The following CPEB3 variants were observed in gnomAD, a reference collection of about 807,000 sequenced individuals.
CPEB3 encodes cytoplasmic polyadenylation element binding protein 3.
Under a neutral mutation model 67.2 loss-of-function variants are expected in CPEB3, and 20 were observed. The observed-to-expected ratio is 0.30, with a 90% CI of 0.21 to 0.43. The LOEUF (loss-of-function observed/expected upper bound fraction) is 0.43. Ranked by LOEUF, CPEB3 falls within the 20% of genes least tolerant of loss-of-function variation. The probability of loss-of-function intolerance (pLI) is 1.00; values close to 1 mark genes in which losing one functional copy is unlikely to be tolerated. For missense variants in CPEB3, 746 were observed against 968.6 expected (o/e 0.77, Z 3.05); for synonymous variants, 376 against 393.1 (o/e 0.96, Z 0.51).
chr10:92,142,039 C>A (rs113979456), intron 6 of CPEB3, among the ~76,000 whole-genome samples: 2,130 of 114,838 alleles, frequency 0.019, 31 homozygotes, highest in South Asian at 0.06. Flanking sequence ...CAAATAAAAA[C>A]AAAAAAAAAA....
intron 1 of CPEB3, among the ~76,000 whole-genome samples, chr10:92,245,133 CTTT>C (rs989695063): frequency 3.1e-5 from 3 of 98,066 alleles, no homozygotes; most frequent in African/African-American, 4.0e-5. Context: ...AGAAAAGAGT[CTTT>C]TTTTTTTTTT....
chr10:92,055,169 A>G (rs1842064447), intron 9 of CPEB3, among the ~76,000 whole-genome samples: 2 of 152,208 alleles, frequency 1.3e-5, no homozygotes, highest in African/African-American at 4.8e-5. Flanking sequence ...ATTTGTGCTG[A>G]TATTTGAAAA....
At chr10:92,207,579 A>C (rs540246368) in intron 2 of CPEB3, among the ~76,000 whole-genome samples, 24 of 152,320 alleles carry the variant, frequency 1.6e-4, no homozygotes, top group Non-Finnish European at 3.2e-4. Flanking sequence ...ATCTATGTTT[A>C]ATCACCACGC....
At chr10:92,056,049 A>T (rs1032901270) in intron 9 of CPEB3, among the ~76,000 whole-genome samples, 1 of 152,280 alleles carries the variant, frequency 6.6e-6, no homozygotes, top group East Asian at 1.9e-4. Flanking sequence ...GTAAAAATAA[A>T]CAAAGAACGT....
rs191312532 is a variant in CPEB3 at position 92,057,728 on chromosome 10, C to T, written c.1870-5289G>A. On this transcript the variant is annotated intron_variant, in intron 9 of 9. Transcript: ENST00000265997. ...ACAGGGGTGCTTGTGTCACTCCACC[C>T]CCAGCTTTAGGTGGCTGAGAACAGA... 1.1e-4 allele frequency among the ~76,000 whole-genome samples: 17 copies of T among 152,324 alleles called. No individual in the cohort carries two copies. In the East Asian group the frequency reaches 2.9e-3, roughly 26 times the overall value.
intron 6 of CPEB3, among the ~76,000 whole-genome samples, chr10:92,129,649 T>C (rs989482418): frequency 2.0e-5 from 3 of 152,130 alleles, no homozygotes; most frequent in Non-Finnish European, 2.9e-5. Flanking sequence ...ACTGGGATCA[T>C]ATAACTGACA....
chr10:92,092,378 T>C (rs1428602310), intron 7 of CPEB3, among the ~76,000 whole-genome samples: 2 of 152,222 alleles, frequency 1.3e-5, no homozygotes, highest in African/African-American at 4.8e-5. Flanking sequence ...GACTTTTTAA[T>C]TCTCATCACC....
At chr10:92,190,887 T>C (rs1848948226) in intron 3 of CPEB3, among the ~76,000 whole-genome samples, 1 of 151,902 alleles carries the variant, frequency 6.6e-6, no homozygotes, top group Non-Finnish European at 1.5e-5. Context: ...CAAGAACTCA[T>C]CCATGGCAGC....
At position 92,239,271 on chromosome 10, in the gene CPEB3, G is replaced by A; in HGVS notation, c.1005+75C>T. The A allele has an allele frequency of 6.7e-7, 1 of 1,484,130 alleles. No individual in the cohort carries two copies. The highest frequency in any genetic ancestry group is 2.0e-5 in the Admixed American group (1 of 50,154). 91.9% of individuals were successfully genotyped at this position (1,484,130 alleles called of 1,614,324 possible). On this transcript the variant is annotated intron_variant, in intron 2 of 9. Transcript: ENST00000265997. This position sits in a 1 kb window ranked among gnomAD's most constrained non-coding sequence, Gnocchi z 6.0. Reference sequence around the variant, plus strand: ...TGCCCTTTTTAAATATAAGCGGGTGGATGATTAAAAGTCAGAGAAGTGGCA... The same window carrying A: ...TGCCCTTTTTAAATATAAGCGGGTGAATGATTAAAAGTCAGAGAAGTGGCA...
intron 9 of CPEB3, among the ~76,000 whole-genome samples, chr10:92,061,419 CAAAAA>C (rs148327302): frequency 5.4e-5 from 5 of 93,356 alleles, no homozygotes; most frequent in African/African-American, 1.6e-4. Flanking sequence ...AATTCTGTCT[CAAAAA>C]AAAAAAAAAA....
chr10:92,283,386 C>G (rs1379444359), intron 1 of CPEB3, among the ~76,000 whole-genome samples: 1 of 152,178 alleles, frequency 6.6e-6, no homozygotes, highest in Non-Finnish European at 1.5e-5. Flanking sequence ...ATTTATTCCT[C>G]CCAGGAATTC....
rs976206475 is a variant in CPEB3, at chr10:92,052,494, GT to G, written c.1870-56del. 149 of 1,510,142 alleles carry G rather than the reference GT, an allele frequency of 9.9e-5. No homozygotes were observed. The African/African-American group carries it at 1.9e-3, about 19-fold the overall frequency. 93.5% of individuals were successfully genotyped at this position (1,510,142 alleles called of 1,614,324 possible). A position where few individuals can be genotyped will look rare whatever the true frequency, so the allele number is the denominator to read the frequency against. On this transcript the variant is annotated intron_variant, in intron 9 of 9. Transcript: ENST00000265997. Reference sequence around the variant, plus strand: ...ATGATTTAGCAAAGCTTCCTTACATGTCTTGCTTTTGAGAGTTTACACTATA... The same window carrying G: ...ATGATTTAGCAAAGCTTCCTTACATGCTTGCTTTTGAGAGTTTACACTATA...
Position 92,264,014 on chromosome 10 carries a change from T to G in CPEB3, c.-11-23653A>C, listed in dbSNP as rs527790170. Among the ~76,000 whole-genome samples, 5 of 152,198 alleles carry G rather than the reference T, an allele frequency of 3.3e-5. No homozygotes were observed. In the South Asian group the frequency reaches 6.2e-4, roughly 19 times the overall value. On this transcript the variant is annotated intron_variant, in intron 1 of 9. Transcript: ENST00000265997. ...ATGGAAGCTATCATTCTTCTCATTT[T>G]TCAGATAAGGAAACTTAGAAATAAT...
At position 92,140,287 on chromosome 10, in the gene CPEB3, T is replaced by C. The variant is rs533930884; in HGVS notation, c.1453+2742A>G. 1.1e-3 allele frequency among the ~76,000 whole-genome samples: 165 copies of C among 152,176 alleles called. No individual in the cohort carries two copies. The South Asian group carries it at 0.013, about 12-fold the overall frequency. On this transcript the variant is annotated intron_variant, in intron 6 of 9. Coordinates refer to ENST00000265997, the MANE Select transcript of CPEB3 (RefSeq NM_014912.5). ...TGGTACTGGGACCAAAACAGAGATA[T>C]AGATCAATGGAACAGAACAGAGGCC...
rs1850422909 is a variant in CPEB3, at chr10:92,216,731, G to A, written c.1005+22615C>T. The A allele has an allele frequency of 4.4e-6, 7 of 1,607,832 alleles. No homozygotes were observed. In the Admixed American group the frequency reaches 1.0e-4, roughly 23 times the overall value. ...TGTGATAATGGTCAAGCCCCACGAG[G>A]AGTACCAGGAGGCTTACGACGAGTG... On this transcript the variant is annotated intron_variant, in intron 2 of 9. Transcript: ENST00000265997.
chr10:92,122,154 G>A (rs559954918), intron 6 of CPEB3, among the ~76,000 whole-genome samples: 1 of 152,270 alleles, frequency 6.6e-6, no homozygotes, highest in East Asian at 1.9e-4. Context: ...CTATGTTGGA[G>A]GTATCTCCTA....
chr10:92,171,118 T>G (rs1185203713), intron 4 of CPEB3, among the ~76,000 whole-genome samples: 1 of 152,160 alleles, frequency 6.6e-6, no homozygotes, highest in Non-Finnish European at 1.5e-5. Flanking sequence ...AAGGCTCCTC[T>G]CATGTGGGAA....
intron 6 of CPEB3, among the ~76,000 whole-genome samples, chr10:92,121,529 T>C (rs1845385958): frequency 1.3e-5 from 2 of 151,602 alleles, no homozygotes; most frequent in Non-Finnish European, 2.9e-5. Flanking sequence ...TTTGACTTTT[T>C]TTAAATAAAA....
At chr10:92,100,482 G>T (rs1381939949) in intron 7 of CPEB3, among the ~76,000 whole-genome samples, 1 of 151,998 alleles carries the variant, frequency 6.6e-6, no homozygotes, top group Non-Finnish European at 1.5e-5. Flanking sequence ...CTCCATGTTG[G>T]TCAGGCTGGT....
Sources: allele counts gnomAD v4.1 joint callset (sites outside exome capture counted in the v4.1 genomes callset), GRCh38; gene constraint gnomAD v4.1.1; non-coding constraint Gnocchi (gnomAD v3.1); transcripts MANE v1.5; gene names NCBI Gene and HGNC (gene_info 2026-07-23, HGNC 2026-07-21).